DNAAF5: variants seen among roughly 807,000 people sequenced by gnomAD.
DNAAF5 encodes the protein dynein axonemal assembly factor 5, also known as HEAT repeat containing 2.
A neutral mutation model predicts 75.8 loss-of-function variants in DNAAF5; 64 were observed. The ratio of observed to expected loss-of-function variants is 0.84; its 90% confidence interval spans 0.69 to 1.04. The LOEUF is 1.04. Among genes scored for constraint, DNAAF5 ranks in the 50% least tolerant of loss-of-function variants. The pLI, the probability that DNAAF5 is intolerant of heterozygous loss-of-function variation, is 0.00. For missense variants in DNAAF5, 1,269 were observed against 1,178.5 expected (o/e 1.08, Z -1.12); for synonymous variants, 657 against 557.2 (o/e 1.18, Z -2.52).
At chr7:769,881 C>T (rs936516905) in intron 8 of DNAAF5, among the ~76,000 whole-genome samples, 2 of 152,038 alleles carry the variant, frequency 1.3e-5, no homozygotes, top group Non-Finnish European at 1.5e-5. Flanking sequence ...CCTCAGGTGA[C>T]CTCAGGTCAC....
chr7:761,970 A>G (rs1254664166), intron 7 of DNAAF5, 74 bp downstream of exon 7: 48 of 463,602 alleles, frequency 1.0e-4, no homozygotes, highest in Middle Eastern at 1.5e-3. Context: ...AGTGAGGTGA[A>G]CTGTCTCCTA....
intron 9 of DNAAF5, among the ~76,000 whole-genome samples, chr7:773,420 G>T (rs1778639410): frequency 6.6e-6 from 1 of 152,198 alleles, no homozygotes; most frequent in South Asian, 2.1e-4. Flanking sequence ...ACTAATGAGT[G>T]TGTCATTTTG....
intron 2 of DNAAF5, among the ~76,000 whole-genome samples, chr7:739,756 A>G (rs893277546): frequency 5.9e-5 from 9 of 152,142 alleles, no homozygotes; most frequent in Admixed American, 3.9e-4. Context: ...CAGTCAGGCC[A>G]GGGCCCGGGT....
intron 8 of DNAAF5, among the ~76,000 whole-genome samples, chr7:767,586 C>T (rs190453579): frequency 7.9e-5 from 12 of 152,050 alleles, no homozygotes; most frequent in African/African-American, 2.2e-4. Context: ...AAACAATTAT[C>T]CTAAGCCTTT....
chr7:775,912 G>A (rs2128085398), intron 11 of DNAAF5, among the ~76,000 whole-genome samples: 2 of 152,310 alleles, frequency 1.3e-5, no homozygotes, highest in South Asian at 4.1e-4. Context: ...CAAATACTAT[G>A]CCTTTTTTTA....
intron 4 of DNAAF5, 47 bp downstream of exon 4, chr7:741,512 G>A (rs200673191): frequency 9.0e-7 from 1 of 1,105,422 alleles, no homozygotes; most frequent in South Asian, 1.4e-5. Flanking sequence ...AGCCCTTGTT[G>A]GGTGGGAAAG....
At chr7:757,107 G>C (rs528497150) in intron 6 of DNAAF5, 113 bp downstream of exon 6, 3 of 1,057,314 alleles carry the variant, frequency 2.8e-6, no homozygotes, top group Non-Finnish European at 4.0e-6. Context: ...CTGGGCTGTC[G>C]GAAGCACCCA....
At chr7:779,428 TAA>T (rs1433007311) in intron 11 of DNAAF5, among the ~76,000 whole-genome samples, 1 of 152,224 alleles carries the variant, frequency 6.6e-6, no homozygotes, top group Non-Finnish European at 1.5e-5. Flanking sequence ...ATAAATTTGA[TAA>T]AAATTATGTC....
rs370588837 is a variant in DNAAF5 at position 785,608 on chromosome 7, C to A, written c.2523C>A (p.Cys841Ter). ...ACAAGCACCGCTCGGCCACCTACTGCGAGCAGCTCCTGCAGCATGTGCAGG... is the reference window on the plus strand; with the variant it reads ...ACAAGCACCGCTCGGCCACCTACTGAGAGCAGCTCCTGCAGCATGTGCAGG... ...VIHKHRSATY[C>*]EQLLQHVQAV... Residue 841 changes from cysteine (C) to a stop codon, truncating the protein, a stop_gained, in exon 13 of 13, where the codon TGC becomes TGA. Transcript: ENST00000297440. LOFTEE classifies it high-confidence loss of function. The A allele has an allele frequency of 6.2e-7, 1 of 1,613,080 alleles. No homozygotes were observed. Among genetic ancestry groups the A allele is most frequent in the African/African-American group, 1.3e-5 (1 of 74,946 alleles).
rs538948524 is a variant in DNAAF5, at chr7:773,228, T to A, written c.1932-820T>A. 1.2e-3 allele frequency among the ~76,000 whole-genome samples: 188 copies of A among 152,298 alleles called. 3 individuals carry two copies. Among genetic ancestry groups the A allele is most frequent in the Admixed American group, 2.0e-3 (30 of 15,296 alleles). On this transcript the variant is annotated intron_variant, in intron 9 of 12. Transcript: ENST00000297440. ...TAAATCACACCACACCAACGTCACT[T>A]TCCACATCTGCTCATCTACCTGGCT...
At position 754,522 on chromosome 7, in the gene DNAAF5, G is replaced by A. The variant is rs1404599214; in HGVS notation, c.1025-67G>A. On this transcript the variant is annotated intron_variant, in intron 4 of 12. Coordinates refer to ENST00000297440, the MANE Select transcript of DNAAF5 (RefSeq NM_017802.4). The surrounding 1 kb of genome is among the most constrained non-coding windows in gnomAD (Gnocchi z 4.8). ...CACAGGTGTCCCTTAAATGTGATGT[G>A]CGGTAACTTGAGTTGTTGAGGTTTT... 7.6e-7 allele frequency: 1 copy of A among 1,324,438 alleles called. No individual in the cohort carries two copies. The highest frequency in any genetic ancestry group is 2.3e-5 in the East Asian group (1 of 43,228). The allele number at this position is 1,324,438 out of a possible 1,614,324, so 82.0% of individuals were successfully genotyped here.
chr7:745,246 G>A (rs759941354), intron 4 of DNAAF5, among the ~76,000 whole-genome samples: 1 of 152,218 alleles, frequency 6.6e-6, no homozygotes, highest in Non-Finnish European at 1.5e-5. Context: ...TGAGAAACCA[G>A]TGGAAGACCC....
chr7:758,628 T>C (rs1023086540), intron 6 of DNAAF5, among the ~76,000 whole-genome samples: 1 of 152,212 alleles, frequency 6.6e-6, no homozygotes, highest in Non-Finnish European at 1.5e-5. Flanking sequence ...GCCTCCTGAG[T>C]CACTGGGACT....
intron 2 of DNAAF5, among the ~76,000 whole-genome samples, chr7:733,926 T>C (rs1359833636): frequency 6.6e-6 from 1 of 152,248 alleles, no homozygotes; most frequent in African/African-American, 2.4e-5. Context: ...TGTTGGCATG[T>C]AGAAATGCTA....
intron 12 of DNAAF5, among the ~76,000 whole-genome samples, chr7:783,043 G>A (rs919181372): frequency 2.6e-5 from 4 of 152,254 alleles, no homozygotes; most frequent in Admixed American, 6.5e-5. Flanking sequence ...GCAGGGCCAA[G>A]CTTTGGCTCA....
intron 4 of DNAAF5, among the ~76,000 whole-genome samples, chr7:744,700 T>C (rs1782026110): frequency 6.6e-6 from 1 of 152,204 alleles, no homozygotes; most frequent in Non-Finnish European, 1.5e-5. Context: ...TTTTACACTG[T>C]TGGTGGGACT....
chr7:757,955 C>T (rs1191257377), intron 6 of DNAAF5, among the ~76,000 whole-genome samples: 3 of 152,170 alleles, frequency 2.0e-5, no homozygotes, highest in East Asian at 1.9e-4. Flanking sequence ...GTCCTCAGAA[C>T]GAGAGGTGGG....
At chr7:759,337 T>C (rs923978466) in intron 6 of DNAAF5, among the ~76,000 whole-genome samples, 1 of 152,230 alleles carries the variant, frequency 6.6e-6, no homozygotes, top group African/African-American at 2.4e-5. Flanking sequence ...TCCAGGTGTC[T>C]CGGGCCCAGT....
At position 743,236 on chromosome 7, in the gene DNAAF5, C is replaced by T. The variant is rs538594851; in HGVS notation, c.1024+1771C>T. On this transcript the variant is annotated intron_variant, in intron 4 of 12. Coordinates refer to ENST00000297440, the MANE Select transcript of DNAAF5 (RefSeq NM_017802.4). ...ACAAAAACAAAACAAATTAGCTGGG[C>T]GTGGTGGTGCATGCCTGTATCCCAG... 8.0e-4 allele frequency among the ~76,000 whole-genome samples: 122 copies of T among 152,138 alleles called. 1 individual carries two copies. The highest frequency in any genetic ancestry group is 7.5e-3 in the South Asian group (36 of 4,820).
Sources: gnomAD v4.1 joint callset for allele counts (sites outside exome capture counted in the v4.1 genomes callset) on GRCh38, gnomAD v4.1.1 for gene constraint, Gnocchi (gnomAD v3.1) non-coding constraint, MANE v1.5 for transcripts, NCBI Gene and HGNC (gene_info 2026-07-23, HGNC 2026-07-21) for gene names.